The following PDE10A variants were observed in gnomAD, a reference collection of about 807,000 sequenced individuals.
PDE10A encodes cAMP and cAMP-inhibited cGMP 3',5'-cyclic phosphodiesterase 10A.
A neutral mutation model predicts 97.7 loss-of-function variants in PDE10A; 39 were observed. The observed-to-expected ratio is 0.40, with a 90% CI of 0.31 to 0.52. The LOEUF (loss-of-function observed/expected upper bound fraction) is 0.52, where lower values mean the gene tolerates loss of function less well. Among genes scored for constraint, PDE10A ranks in the 20% least tolerant of loss-of-function variants. PDE10A has a pLI of 0.56. For synonymous variants in PDE10A, 371 were observed against 376.8 expected (o/e 0.98, Z 0.18); for missense variants, 731 against 1,047.8 (o/e 0.70, Z 4.17).
At chr6:165,630,135 G>T (rs377701341) in intron 1 of PDE10A, among the ~76,000 whole-genome samples, 27 of 152,220 alleles carry the variant, frequency 1.8e-4, no homozygotes, top group African/African-American at 6.5e-4. Flanking sequence ...ACTGCACTGA[G>T]CTCAGGAGTT....
At chr6:165,669,918 A>G (rs542568004) in intron 1 of PDE10A, among the ~76,000 whole-genome samples, 2 of 152,378 alleles carry the variant, frequency 1.3e-5, no homozygotes, top group South Asian at 4.1e-4. Flanking sequence ...CACCAAGGCT[A>G]AGTGGCATTA....
Position 165,392,935 on chromosome 6 carries a change from T to C in PDE10A, c.2304-139A>G, listed in dbSNP as rs372860066. ...AAGATTTCCACCCTGACTGAATCCATGAGCACTGGAAACTCATTCACCAGT... is the reference window on the plus strand; with the variant it reads ...AAGATTTCCACCCTGACTGAATCCACGAGCACTGGAAACTCATTCACCAGT... On this transcript the variant is annotated intron_variant, in intron 15 of 21. Transcript: ENST00000539869. 564 of 711,840 alleles carry C rather than the reference T, an allele frequency of 7.9e-4. 10 individuals are homozygous for C. In the South Asian group the frequency reaches 9.4e-3, roughly 12 times the overall value. 44.1% of individuals were successfully genotyped at this position (711,840 alleles called of 1,614,324 possible). A position where few individuals can be genotyped will look rare whatever the true frequency, so the allele number is the denominator to read the frequency against.
In PDE10A at chr6:165,418,111, T is replaced by TA. The variant is rs914976895; in HGVS notation, c.1796+523dup. Among the ~76,000 whole-genome samples, 18 of 152,130 alleles carry TA rather than the reference T, an allele frequency of 1.2e-4. No homozygotes were observed. The East Asian group carries it at 1.7e-3, about 15-fold the overall frequency. On this transcript the variant is annotated intron_variant, in intron 11 of 21. Transcript: ENST00000539869. The surrounding 1 kb of genome is among the most constrained non-coding windows in gnomAD (Gnocchi z 4.8). ...CATTTAAGTGACAACGGCTGCCACT[T>TA]AAAAAAACAAAGACTTCAGTTTCAA...
intron 1 of PDE10A, chr6:165,894,255 G>A: frequency 2.2e-6 from 1 of 455,406 alleles, no homozygotes; most frequent in Non-Finnish European, 4.4e-6. Context: ...ATGGTGGCAG[G>A]TTTTTCAGTG....
chr6:165,952,152 A>C (rs1783984211), intron 1 of PDE10A, among the ~76,000 whole-genome samples: 1 of 152,256 alleles, frequency 6.6e-6, no homozygotes, highest in African/African-American at 2.4e-5. Context: ...GTTCAACGTC[A>C]GCATTCTGGC....
Position 165,912,468 on chromosome 6 carries a change from AGCCCATTCTGTAAAT to A in PDE10A, c.-615+75046_-615+75060del, listed in dbSNP as rs1782490188. 3.9e-5 allele frequency among the ~76,000 whole-genome samples: 6 copies of A among 152,230 alleles called. No homozygotes were observed. In the South Asian group the frequency reaches 6.2e-4, roughly 16 times the overall value. On this transcript the variant is annotated intron_variant, in intron 1 of 19. Transcript: ENST00000366882. ...AGGCAACGCTCCACCTTCTTGCTTC[AGCCCATTCTGTAAAT>A]GTGTCCTTTCTGCAGTCTACACAGT...
At chr6:165,916,411 G>C (rs1472386901) in intron 1 of PDE10A, among the ~76,000 whole-genome samples, 1 of 152,220 alleles carries the variant, frequency 6.6e-6, no homozygotes, top group East Asian at 1.9e-4. Flanking sequence ...CCAAAATGCA[G>C]GAAGATTTGC....
intron 18 of PDE10A, among the ~76,000 whole-genome samples, chr6:165,368,945 C>T (rs940374661): frequency 7.9e-5 from 12 of 152,294 alleles, no homozygotes; most frequent in South Asian, 2.1e-4. Flanking sequence ...CTGCAGACAC[C>T]GCTGCTGATA....
intron 1 of PDE10A, among the ~76,000 whole-genome samples, chr6:165,629,063 T>C (rs2128413462): frequency 6.6e-6 from 1 of 152,242 alleles, no homozygotes; most frequent in East Asian, 1.9e-4. Flanking sequence ...TTTCAGGATT[T>C]TTGATGTGCG....
chr6:165,839,523 A>T (rs750219238), intron 1 of PDE10A, among the ~76,000 whole-genome samples: 2 of 152,194 alleles, frequency 1.3e-5, no homozygotes, highest in Non-Finnish European at 2.9e-5. Context: ...CCAGTCCCCA[A>T]TTCCTATGGA....
chr6:165,915,066 AG>A (rs1267620053), intron 1 of PDE10A, among the ~76,000 whole-genome samples: 1 of 152,208 alleles, frequency 6.6e-6, no homozygotes, highest in Admixed American at 6.5e-5. Flanking sequence ...ATTAACCCAA[AG>A]GGGGCTTTCA....
At chr6:165,830,416 A>G (rs1779877206) in intron 1 of PDE10A, among the ~76,000 whole-genome samples, 1 of 152,044 alleles carries the variant, frequency 6.6e-6, no homozygotes, top group African/African-American at 2.4e-5. Flanking sequence ...TTCCAAAGCC[A>G]GGCTTGCTGG....
intron 1 of PDE10A, among the ~76,000 whole-genome samples, chr6:165,825,163 GAAAAAGA>G (rs1779696955): frequency 1.7e-5 from 1 of 58,450 alleles, no homozygotes; most frequent in Non-Finnish European, 3.9e-5. Flanking sequence ...AAAAAAAAAA[GAAAAAGA>G]AAAAAAAAGA....
At position 165,390,248 on chromosome 6, in the gene PDE10A, T is replaced by C. The variant is rs553068908; in HGVS notation, c.2455-1795A>G. Among the ~76,000 whole-genome samples, 53 of 152,262 alleles carry C rather than the reference T, an allele frequency of 3.5e-4. No homozygotes were observed. In the South Asian group the frequency reaches 4.8e-3, roughly 14 times the overall value. On this transcript the variant is annotated intron_variant, in intron 16 of 21. Transcript: ENST00000539869. ...GAGTGCCGAATGTCCCGGGATTCGA[T>C]TGAAGACACTGAGCACTAACCCTTG...
chr6:165,525,014 T>A (rs1782346223), intron 2 of PDE10A, among the ~76,000 whole-genome samples: 1 of 152,136 alleles, frequency 6.6e-6, no homozygotes. Flanking sequence ...CTGCACTGCT[T>A]GAGGCAACAG....
chr6:165,540,221 T>G (rs754352230), intron 2 of PDE10A, among the ~76,000 whole-genome samples: 9 of 152,206 alleles, frequency 5.9e-5, no homozygotes, highest in Non-Finnish European at 1.3e-4. Flanking sequence ...CCCCTGGTGA[T>G]CCTTTAGCTT....
At position 165,662,365 on chromosome 6, in the gene PDE10A, CGCT is replaced by C. The variant is rs896382572; in HGVS notation, c.444_446del (p.Ala154del). The stretch of plus-strand genomic sequence containing the variant: ...CGCCTCCTCCCGCCGCCGCCGCCGC[CGCT>C]GCGCCCTCCCTTCCTGGGAGACGCA... On this transcript the variant is annotated inframe_deletion, in exon 1 of 22. Coordinates refer to ENST00000539869, the MANE Select transcript of PDE10A (RefSeq NM_001385079.1). The C allele has an allele frequency of 2.5e-5, 4 of 161,476 alleles. No homozygotes were observed. Among genetic ancestry groups the C allele is most frequent in the African/African-American group, 4.9e-5 (2 of 40,776 alleles). 10.0% of individuals were successfully genotyped at this position (161,476 alleles called of 1,614,324 possible).
At chr6:165,927,231 T>C (rs550499488) in intron 1 of PDE10A, among the ~76,000 whole-genome samples, 6 of 152,248 alleles carry the variant, frequency 3.9e-5, no homozygotes, top group African/African-American at 1.4e-4. Flanking sequence ...AAAAAGCACA[T>C]GCTAGTCCTT....
At chr6:165,645,309 C>T (rs951408253) in intron 1 of PDE10A, among the ~76,000 whole-genome samples, 14 of 152,166 alleles carry the variant, frequency 9.2e-5, no homozygotes, top group African/African-American at 3.4e-4. Flanking sequence ...TTGCCCCTGA[C>T]CCCTTGCTTC....
Sources: allele counts gnomAD v4.1 joint callset (sites outside exome capture counted in the v4.1 genomes callset), GRCh38; gene constraint gnomAD v4.1.1; non-coding constraint Gnocchi (gnomAD v3.1); transcripts MANE v1.5; gene names NCBI Gene and HGNC (gene_info 2026-07-23, HGNC 2026-07-21).